The following DLGAP2 variants were observed in gnomAD, a reference collection of about 807,000 sequenced individuals.
DLGAP2 encodes disks large-associated protein 2.
Under a neutral mutation model 100.3 loss-of-function variants are expected in DLGAP2, and 26 were observed. That is an observed-to-expected ratio of 0.26 (90% CI 0.19 to 0.36). DLGAP2 has a LOEUF of 0.36. Ranked by LOEUF, DLGAP2 falls within the 10% of genes least tolerant of loss-of-function variation. The pLI is 1.00. For missense variants in DLGAP2, 1,858 were observed against 1,453.2 expected, an observed-to-expected ratio of 1.28 and a Z score of -4.53; for synonymous variants, 886 against 630.1, an observed-to-expected ratio of 1.41 and a Z score of -6.08.
At chr8:1,558,279 G>C (rs954719618) in intron 5 of DLGAP2, among the ~76,000 whole-genome samples, 1 of 152,216 alleles carries the variant, frequency 6.6e-6, no homozygotes, top group African/African-American at 2.4e-5. Context: ...AGGCGGCTTA[G>C]ATGGGGGTTT....
intron 2 of DLGAP2, among the ~76,000 whole-genome samples, chr8:1,255,770 C>CTG (rs1172627497): frequency 2.2e-5 from 3 of 139,040 alleles, no homozygotes; most frequent in African/African-American, 8.1e-5. Context: ...TGCCTGGGTG[C>CTG]TGTGTGTGTG....
At chr8:1,575,070 A>G (rs1030300802) in intron 6 of DLGAP2, among the ~76,000 whole-genome samples, 1 of 152,192 alleles carries the variant, frequency 6.6e-6, no homozygotes, top group Non-Finnish European at 1.5e-5. Context: ...AACGCACAAC[A>G]AGAGACTATG....
At chr8:1,183,982 TA>T (rs1214526512) in intron 2 of DLGAP2, among the ~76,000 whole-genome samples, 1 of 152,240 alleles carries the variant, frequency 6.6e-6, no homozygotes, top group Non-Finnish European at 1.5e-5. Flanking sequence ...ATTTGGCCAA[TA>T]AAAACATTTC....
chr8:1,094,406 G>C (rs1446065701), intron 2 of DLGAP2, among the ~76,000 whole-genome samples: 1 of 152,228 alleles, frequency 6.6e-6, no homozygotes, highest in Non-Finnish European at 1.5e-5. Flanking sequence ...AGTATTTACG[G>C]TAAAACTGAG....
intron 2 of DLGAP2, among the ~76,000 whole-genome samples, chr8:1,236,100 A>G (rs1457546099): frequency 2.3e-5 from 2 of 87,680 alleles, no homozygotes; most frequent in East Asian, 6.6e-4. Flanking sequence ...TAGTTCTCTC[A>G]CATGGTACCA....
intron 2 of DLGAP2, among the ~76,000 whole-genome samples, chr8:1,161,455 C>T (rs985452795): frequency 3.3e-5 from 5 of 152,190 alleles, no homozygotes; most frequent in African/African-American, 1.2e-4. Context: ...GAGGGCTCAG[C>T]GATCTTGCAA....
At chr8:1,547,692 G>A (rs1198358689) in intron 4 of DLGAP2, among the ~76,000 whole-genome samples, 2 of 152,192 alleles carry the variant, frequency 1.3e-5, no homozygotes, top group African/African-American at 2.4e-5. Flanking sequence ...CCATAAGACA[G>A]GTGGTGCTTT....
chr8:1,458,200 C>A (rs975175851), intron 3 of DLGAP2, among the ~76,000 whole-genome samples: 3 of 151,816 alleles, frequency 2.0e-5, no homozygotes, highest in Non-Finnish European at 4.4e-5. Flanking sequence ...GCCACCACAC[C>A]CAGCCTCTGT....
chr8:1,089,293 G>T (rs1293550643), intron 2 of DLGAP2, among the ~76,000 whole-genome samples: 3 of 152,246 alleles, frequency 2.0e-5, no homozygotes, highest in Non-Finnish European at 4.4e-5. Flanking sequence ...TGGTCTATTG[G>T]TCTGTATATG....
At chr8:1,276,766 A>C (rs1799706508) in intron 3 of DLGAP2, among the ~76,000 whole-genome samples, 1 of 152,068 alleles carries the variant, frequency 6.6e-6, no homozygotes, top group South Asian at 2.1e-4. Context: ...TTAAAACGTA[A>C]AGTTGTTTTC....
At chr8:1,391,056 G>T (rs1474079994) in intron 3 of DLGAP2, among the ~76,000 whole-genome samples, 1 of 152,194 alleles carries the variant, frequency 6.6e-6, no homozygotes, top group Non-Finnish European at 1.5e-5. Context: ...GAATACAACA[G>T]GACCTTGAAA....
intron 1 of DLGAP2, among the ~76,000 whole-genome samples, chr8:740,873 G>A (rs1324288877): frequency 6.6e-6 from 1 of 152,088 alleles, no homozygotes; most frequent in East Asian, 1.9e-4. Context: ...CCCTCAGGAT[G>A]GATGCTCCAT....
At chr8:840,531 A>G (rs1585919603) in intron 1 of DLGAP2, among the ~76,000 whole-genome samples, 2 of 77,166 alleles carry the variant, frequency 2.6e-5, no homozygotes, top group African/African-American at 4.6e-5. Flanking sequence ...GCACGCCTGC[A>G]CGTCTCCCCA....
intron 1 of DLGAP2, among the ~76,000 whole-genome samples, chr8:849,460 G>C (rs756803441): frequency 3.3e-5 from 5 of 152,234 alleles, no homozygotes; most frequent in Non-Finnish European, 7.3e-5. Context: ...TGGGCATTTA[G>C]TTCGATGCCT....
intron 2 of DLGAP2, among the ~76,000 whole-genome samples, chr8:989,392 C>G (rs1800587917): frequency 6.6e-6 from 1 of 152,198 alleles, no homozygotes; most frequent in Admixed American, 6.5e-5. Flanking sequence ...GACGTCCAAA[C>G]CTTGCTTGCA....
intron 1 of DLGAP2, among the ~76,000 whole-genome samples, chr8:901,686 G>A (rs1798254861): frequency 6.6e-6 from 1 of 152,206 alleles, no homozygotes; most frequent in Non-Finnish European, 1.5e-5. Context: ...TTTGATCAGT[G>A]GAGAGGGAGA....
chr8:870,145 A>G (rs1029659552), intron 1 of DLGAP2, among the ~76,000 whole-genome samples: 2 of 152,070 alleles, frequency 1.3e-5, no homozygotes, highest in African/African-American at 4.8e-5. Flanking sequence ...GTAATAGTCC[A>G]TTATCTTGAT....
intron 3 of DLGAP2, among the ~76,000 whole-genome samples, chr8:1,318,337 C>T (rs938149613): frequency 6.6e-6 from 1 of 152,004 alleles, no homozygotes; most frequent in Non-Finnish European, 1.5e-5. Context: ...TTCAGCTTTA[C>T]TTTCCTGGAT....
chr8:1,266,132 TC>T (rs1799445869), intron 3 of DLGAP2, among the ~76,000 whole-genome samples: 1 of 152,194 alleles, frequency 6.6e-6, no homozygotes, highest in Non-Finnish European at 1.5e-5. Context: ...GCAGAGACGC[TC>T]TGAAAGGGAG....
Sources: gnomAD v4.1 joint callset for allele counts (sites outside exome capture counted in the v4.1 genomes callset) on GRCh38, gnomAD v4.1.1 for gene constraint, MANE v1.5 for transcripts, NCBI Gene and HGNC (gene_info 2026-07-23, HGNC 2026-07-21) for gene names.